Variants in ESR1 observed in about 807,000 individuals in gnomAD.
ESR1 encodes the protein estrogen receptor 1.
ESR1 carries 12 observed loss-of-function variants against 52.7 expected under a neutral mutation model. That is an observed-to-expected ratio of 0.23 (90% CI 0.15 to 0.37). The LOEUF is 0.37. Among genes scored for constraint, ESR1 ranks in the 10% least tolerant of loss-of-function variants. The pLI is 1.00. For synonymous variants in ESR1, 305 were observed against 316.8 expected (o/e 0.96, Z 0.39); for missense variants, 584 against 779.7 (o/e 0.75, Z 2.99).
chr6:151,976,985 C>A (rs1163719602), intron 4 of ESR1, among the ~76,000 whole-genome samples: 1 of 151,988 alleles, frequency 6.6e-6, no homozygotes, highest in Non-Finnish European at 1.5e-5. Context: ...TTAGAGACTT[C>A]TTTTGTTGGA....
chr6:152,098,180 G>A lies in ESR1; in HGVS notation c.1554-552G>A, dbSNP rs2050778101. Among the ~76,000 whole-genome samples the A allele has an allele frequency of 6.6e-6, 1 of 152,136 alleles. No individual in the cohort carries two copies. Among genetic ancestry groups the A allele is most frequent in the African/African-American group, 2.4e-5 (1 of 41,414 alleles). On this transcript the variant is annotated intron_variant, in intron 7 of 7. Coordinates refer to ENST00000206249, the MANE Select transcript of ESR1 (RefSeq NM_000125.4). This position sits in a 1 kb window ranked among gnomAD's most constrained non-coding sequence, Gnocchi z 5.1. ...TAGGGGAGAGAGGCAGGAAGAGCTT[G>A]GAGACATGGATGGAAGCTGGACCAG...
intron 4 of ESR1, among the ~76,000 whole-genome samples, chr6:151,982,488 A>T (rs58653168): frequency 0.094 from 13,931 of 148,000 alleles, 1,300 homozygotes; most frequent in African/African-American, 0.24. Flanking sequence ...CAAAGTTAAT[A>T]TTTTTTTTTT....
intron 4 of ESR1, among the ~76,000 whole-genome samples, chr6:152,010,856 A>ACCTTCTCCT (rs2042704913): frequency 1.3e-5 from 2 of 151,592 alleles, no homozygotes; most frequent in South Asian, 4.2e-4. Flanking sequence ...GGCTCAACAA[A>ACCTTCTCCT]CCTTCTCCTC....
intron 1 of ESR1, among the ~76,000 whole-genome samples, chr6:151,679,608 G>T (rs1778380509): frequency 6.6e-6 from 1 of 152,180 alleles, no homozygotes; most frequent in Non-Finnish European, 1.5e-5. Context: ...GCCTGCCTCA[G>T]CCTCCCAAGA....
intron 4 of ESR1, among the ~76,000 whole-genome samples, chr6:152,003,607 A>G (rs926662629): frequency 6.6e-6 from 1 of 151,916 alleles, no homozygotes; most frequent in Non-Finnish European, 1.5e-5. Context: ...TCATTCTCTT[A>G]TTAGGTAACA....
intron 1 of ESR1, among the ~76,000 whole-genome samples, chr6:151,808,940 C>T (rs542925696): frequency 2.0e-5 from 3 of 152,150 alleles, no homozygotes; most frequent in East Asian, 1.9e-4. Context: ...CCCTCCTCCC[C>T]ACCCCACGTC....
At chr6:151,957,094 G>C (rs1280980088) in intron 4 of ESR1, among the ~76,000 whole-genome samples, 2 of 151,596 alleles carry the variant, frequency 1.3e-5, no homozygotes, top group Non-Finnish European at 2.9e-5. Flanking sequence ...AGCCAGGATG[G>C]TCTCGATCTC....
chr6:152,014,515 C>G (rs1213087099), intron 5 of ESR1, among the ~76,000 whole-genome samples: 1 of 152,104 alleles, frequency 6.6e-6, no homozygotes, highest in African/African-American at 2.4e-5. Context: ...TTATCTTCTG[C>G]AACAAGTCTA....
rs746807379 is a variant in ESR1 at position 151,944,283 on chromosome 6, C to G, written c.871C>G (p.Leu291Val). The G allele has an allele frequency of 2.5e-6, 4 of 1,614,040 alleles. No individual in the cohort carries two copies. The highest frequency in any genetic ancestry group is 3.4e-6 in the Non-Finnish European group (4 of 1,180,028). Residue 291 changes from leucine (L) to valine (V), a missense_variant, in exon 4 of 8, where the codon CTT (leucine) becomes GTT (valine). Around this residue, in one of 6 missense-constraint regions of ESR1, gnomAD observed 88 missense variants for 88.3 expected, o/e 1.00. Coordinates refer to ENST00000206249, the MANE Select transcript of ESR1 (RefSeq NM_000125.4). ...GSAGDMRAAN[L>V]WPSPLMIKRS... ...TGCTGGAGACATGAGAGCTGCCAAC[C>G]TTTGGCCAAGCCCGCTCATGATCAA...
At chr6:151,784,507 T>C (rs1786835232) in intron 2 of ESR1, among the ~76,000 whole-genome samples, 1 of 152,222 alleles carries the variant, frequency 6.6e-6, no homozygotes, top group Non-Finnish European at 1.5e-5. Context: ...GTACCATGTT[T>C]CCATCAAATA....
intron 4 of ESR1, among the ~76,000 whole-genome samples, chr6:151,988,450 G>A (rs1300079040): frequency 6.6e-6 from 1 of 152,094 alleles, no homozygotes; most frequent in Non-Finnish European, 1.5e-5. Flanking sequence ...AGCTTCACTT[G>A]CACGTTCACT....
chr6:151,813,288 A>G (rs888786062), intron 1 of ESR1: 3 of 152,208 alleles, frequency 2.0e-5, no homozygotes, highest in Non-Finnish European at 4.4e-5. Flanking sequence ...GTAGTTTAAT[A>G]AAGTAATAAT....
chr6:151,782,078 G>T (rs1228102317), intron 2 of ESR1, among the ~76,000 whole-genome samples: 1 of 152,164 alleles, frequency 6.6e-6, no homozygotes, highest in East Asian at 1.9e-4. Context: ...AAAAAGTTGG[G>T]ATCTTGGATT....
intron 1 of ESR1, among the ~76,000 whole-genome samples, chr6:151,827,935 CA>C (rs1781785636): frequency 6.6e-6 from 1 of 152,190 alleles, no homozygotes; most frequent in Non-Finnish European, 1.5e-5. Flanking sequence ...ACAATGTCAT[CA>C]TCTCTCCAGC....
At chr6:151,801,507 G>C (rs2128142648), upstream of ESR1, among the ~76,000 whole-genome samples, 1 of 152,282 alleles carries the variant, frequency 6.6e-6, no homozygotes, top group African/African-American at 2.4e-5. Context: ...ATCAAGTCCT[G>C]GGTGGGAAGC....
At chr6:151,685,380 G>T (rs71575906) in intron 1 of ESR1, among the ~76,000 whole-genome samples, 1 of 151,796 alleles carries the variant, frequency 6.6e-6, no homozygotes, top group Non-Finnish European at 1.5e-5. Flanking sequence ...TGATCCACCC[G>T]CCTCGGCCTC....
chr6:152,014,466 G>A (rs1203768932), intron 5 of ESR1, among the ~76,000 whole-genome samples: 1 of 151,404 alleles, frequency 6.6e-6, no homozygotes, highest in East Asian at 2.0e-4. Flanking sequence ...TGTTCTATAA[G>A]CTCCTCAGAC....
chr6:151,686,482 G>A (rs851989), upstream of ESR1, among the ~76,000 whole-genome samples: 32,650 of 152,058 alleles, frequency 0.21, 4,010 homozygotes, highest in Middle Eastern at 0.28. Context: ...TCAGCAGATC[G>A]AGACCATCCC....
At chr6:151,950,930 T>A (rs1030006746) in intron 4 of ESR1, among the ~76,000 whole-genome samples, 22 of 151,972 alleles carry the variant, frequency 1.4e-4, no homozygotes, top group Non-Finnish European at 5.9e-5. Context: ...AATAAGGAGC[T>A]ATTGATTTAA....
Sources: gnomAD v4.1 joint callset for allele counts (sites outside exome capture counted in the v4.1 genomes callset) on GRCh38, gnomAD v4.1.1 for gene constraint, gnomAD v4.1.1 regional missense constraint, Gnocchi (gnomAD v3.1) non-coding constraint, MANE v1.5 for transcripts, NCBI Gene and HGNC (gene_info 2026-07-23, HGNC 2026-07-21) for gene names.